CLCA2: variants seen among roughly 807,000 people sequenced by gnomAD.
CLCA2 encodes chloride channel accessory 2.
In CLCA2, 85 loss-of-function variants were observed where a neutral mutation model predicts 82.9. That is an observed-to-expected ratio of 1.03 (90% confidence interval 0.86 to 1.23). The LOEUF is 1.23. CLCA2 is among the 50% of genes most tolerant of loss of function. The pLI, the probability that CLCA2 is intolerant of heterozygous loss-of-function variation, is 0.00. For missense variants in CLCA2, 1,089 were observed against 1,124.8 expected, an observed-to-expected ratio of 0.97 and a Z score of 0.45; for synonymous variants, 421 against 391.7, an observed-to-expected ratio of 1.07 and a Z score of -0.88.
At chr1:86,452,050 T>C (rs2101712704) in intron 12 of CLCA2, among the ~76,000 whole-genome samples, 1 of 152,196 alleles carries the variant, frequency 6.6e-6, no homozygotes, top group East Asian at 1.9e-4. Context: ...AATCCAGATC[T>C]AAATGGCTCA....
intron 2 of CLCA2, 65 bp downstream of exon 2, chr1:86,425,541 C>T: frequency 1.5e-6 from 2 of 1,307,792 alleles, no homozygotes; most frequent in Non-Finnish European, 2.0e-6. Flanking sequence ...ATACTGTGCT[C>T]AAACGATAAA....
In CLCA2 at chr1:86,428,558, C is replaced by T. The variant is rs72720125; in HGVS notation, c.465C>T (p.Tyr155=). The change falls in exon 3 of 14, where the codon TAC becomes TAT. Residue 155 remains tyrosine, a synonymous_variant. Coordinates refer to ENST00000370565, the MANE Select transcript of CLCA2 (RefSeq NM_006536.7). The stretch of plus-strand genomic sequence containing the variant: ...TGAATGATAACTTAACAGCTGGCTA[C>T]GGATCACGAGGTAAGTGGGACCAAT... ...FLLNDNLTAG[Y]GSRGRVFVHE... is the part of the protein sequence containing the mutation. 2,532 of 1,612,924 alleles carry T rather than the reference C, an allele frequency of 1.6e-3. 5 individuals are homozygous for T. Among genetic ancestry groups the T allele is most frequent in the Non-Finnish European group, 2.0e-3 (2,363 of 1,179,344 alleles).
rs763822615 is a variant in CLCA2 at position 86,432,347 on chromosome 1, C to T, written c.585-22C>T. ...GTGTTTCTAAAATAGACCTAATTCCCAGTTTCTCTTTCCATTTTTAGGTGT... is the reference window on the plus strand; with the variant it reads ...GTGTTTCTAAAATAGACCTAATTCCTAGTTTCTCTTTCCATTTTTAGGTGT... On this transcript the variant is annotated intron_variant, in intron 4 of 13. Coordinates refer to ENST00000370565, the MANE Select transcript of CLCA2 (RefSeq NM_006536.7). The T allele has an allele frequency of 2.5e-6, 4 of 1,610,670 alleles. No individual in the cohort carries two copies. In the South Asian group the frequency reaches 4.4e-5, roughly 18 times the overall value.
chr1:86,434,948 A>G (rs968204306), intron 6 of CLCA2, among the ~76,000 whole-genome samples: 18 of 152,050 alleles, frequency 1.2e-4, no homozygotes, highest in Non-Finnish European at 1.8e-4. Flanking sequence ...ATTTATCCTG[A>G]TGCTCTCCCT....
At chr1:86,425,270 C>A in intron 1 of CLCA2, 69 bp from the exon 2 acceptor site, 1 of 1,137,362 alleles carries the variant, frequency 8.8e-7, no homozygotes, top group Non-Finnish European at 1.2e-6. Flanking sequence ...ACTGTTTAAG[C>A]ATACCAGAAA....
intron 7 of CLCA2, 73 bp from the exon 8 acceptor site, chr1:86,440,073 TGA>T (rs1220534398): frequency 7.4e-5 from 108 of 1,453,232 alleles, no homozygotes; most frequent in Non-Finnish European, 9.5e-5. Context: ...GGAATTTGGA[TGA>T]GAGTGAATTC....
At chr1:86,435,076 C>T (rs1279479166) in intron 6 of CLCA2, among the ~76,000 whole-genome samples, 2 of 152,198 alleles carry the variant, frequency 1.3e-5, no homozygotes, top group South Asian at 2.1e-4. Flanking sequence ...ACTACAGGTG[C>T]AGGACACCAT....
intron 7 of CLCA2, among the ~76,000 whole-genome samples, chr1:86,439,702 TA>T (rs371739654): frequency 7.2e-5 from 11 of 152,036 alleles, no homozygotes; most frequent in East Asian, 5.8e-4. Context: ...ACCTGGGGAT[TA>T]AAAAAAATAC....
rs749990472 is a variant in CLCA2 at position 86,440,271 on chromosome 1, A to G, written c.1327A>G (p.Ile443Val). The change falls in exon 8 of 14, where the codon ATT becomes GTT. Residue 443 changes from isoleucine to valine, a missense_variant. Physicochemically the swap from Ile to Val is conservative, Grantham distance 29. Transcript: ENST00000370565. The part of the protein sequence containing the change: ...VLSSGSTIHS[I>V]ALGSSAAPNL... ...CAGCAGTGGTTCAACAATTCACTCC[A>G]TTGCCCTGGGTTCATCTGCAGCCCC... The G allele has an allele frequency of 6.2e-7, 1 of 1,614,118 alleles. No homozygotes were observed. Among genetic ancestry groups the G allele is most frequent in the Admixed American group, 1.7e-5 (1 of 60,008 alleles).
chr1:86,449,103 C>T (rs781639387), intron 11 of CLCA2, among the ~76,000 whole-genome samples: 15 of 152,226 alleles, frequency 9.9e-5, no homozygotes, highest in Non-Finnish European at 1.6e-4. Context: ...CCAATCAATA[C>T]TTAACACGCA....
chr1:86,446,372 C>T (rs1327750397), intron 10 of CLCA2, among the ~76,000 whole-genome samples: 1 of 152,028 alleles, frequency 6.6e-6, no homozygotes, highest in African/African-American at 2.4e-5. Context: ...TCTCCAAATT[C>T]ATCATGTTCT....
chr1:86,435,780 T>C (rs2101697334), intron 6 of CLCA2, among the ~76,000 whole-genome samples: 1 of 152,304 alleles, frequency 6.6e-6, no homozygotes, highest in South Asian at 2.1e-4. Flanking sequence ...ATAAAATATA[T>C]GTAAACGAAT....
At chr1:86,431,904 C>G (rs1662505067) in intron 4 of CLCA2, among the ~76,000 whole-genome samples, 1 of 152,008 alleles carries the variant, frequency 6.6e-6, no homozygotes. Context: ...CTTAATGAAG[C>G]AGTTTTTTGT....
At position 86,440,235 on chromosome 1, in the gene CLCA2, C is replaced by G. The variant is rs1558110966; in HGVS notation, c.1291C>G (p.Pro431Ala). ...TGATAAGCTTCTTGGCAATTGCTTA[C>G]CCACTGTGCTCAGCAGTGGTTCAAC... The part of the protein sequence containing the change: ...GDDKLLGNCL[P>A]TVLSSGSTIH... Residue 431 changes from proline (P) to alanine (A), a missense_variant, in exon 8 of 14, where the codon CCC (proline) becomes GCC (alanine). By Grantham distance (27) the Pro-to-Ala change is conservative. Coordinates refer to ENST00000370565, the MANE Select transcript of CLCA2 (RefSeq NM_006536.7). 4 of 1,613,902 alleles carry G rather than the reference C, an allele frequency of 2.5e-6. No homozygotes were observed. Among genetic ancestry groups the G allele is most frequent in the Non-Finnish European group, 3.4e-6 (4 of 1,179,796 alleles).
rs775890169 is a variant in CLCA2 at position 86,430,872 on chromosome 1, T to C, written c.486T>C (p.Phe162=). Residue 162 remains phenylalanine, a synonymous_variant, in exon 4 of 14, where the codon TTT becomes TTC. Transcript: ENST00000370565. The part of the protein sequence containing the change: ...TAGYGSRGRV[F]VHEWAHLRWG... ...TTCTTTCTTCCGCAGGCCGAGTGTT[T>C]GTCCATGAATGGGCCCACCTCCGTT... 3 of 1,613,252 alleles carry C rather than the reference T, an allele frequency of 1.9e-6. No homozygotes were observed. Among genetic ancestry groups the C allele is most frequent in the East Asian group, 4.5e-5 (2 of 44,860 alleles).
At chr1:86,433,204 A>G (rs1662535443) in intron 5 of CLCA2, among the ~76,000 whole-genome samples, 4 of 152,340 alleles carry the variant, frequency 2.6e-5, no homozygotes, top group African/African-American at 9.6e-5. Flanking sequence ...ATGGAATCAG[A>G]AACGAGGGAG....
intron 13 of CLCA2, 118 bp from the exon 14 acceptor site, chr1:86,454,967 G>A (rs68113278): frequency 0.14 from 76,926 of 543,382 alleles, 6,233 homozygotes; most frequent in African/African-American, 0.19. Context: ...CATATTTCTC[G>A]TTATGTTTAT....
intron 7 of CLCA2, among the ~76,000 whole-genome samples, chr1:86,439,906 T>C (rs1662688030): frequency 1.3e-5 from 2 of 152,290 alleles, no homozygotes; most frequent in Middle Eastern, 3.4e-3. Flanking sequence ...TCTTCTATGA[T>C]GGATACAGTT....
intron 13 of CLCA2, among the ~76,000 whole-genome samples, chr1:86,454,872 G>A (rs1272675269): frequency 2.9e-5 from 4 of 136,874 alleles, no homozygotes; most frequent in Non-Finnish European, 4.7e-5. Flanking sequence ...CATATTTTGT[G>A]TTGAATCTTG....
Sources: gnomAD v4.1 joint callset for allele counts (sites outside exome capture counted in the v4.1 genomes callset) on GRCh38, gnomAD v4.1.1 for gene constraint, MANE v1.5 for transcripts, NCBI Gene and HGNC (gene_info 2026-07-23, HGNC 2026-07-21) for gene names.